ROBO2: variants seen among roughly 807,000 people sequenced by gnomAD.
The protein encoded by ROBO2 is roundabout homolog 2.
A neutral mutation model predicts 160.8 loss-of-function variants in ROBO2; 53 were observed. The ratio of observed to expected loss-of-function variants is 0.33; its 90% confidence interval spans 0.26 to 0.41. The LOEUF (loss-of-function observed/expected upper bound fraction) is 0.41. Ranked by LOEUF, ROBO2 falls within the 10% of genes least tolerant of loss-of-function variation. The probability of loss-of-function intolerance (pLI) is 1.00; values close to 1 mark genes in which losing one functional copy is unlikely to be tolerated. For synonymous variants in ROBO2, 664 were observed against 611.7 expected (o/e 1.09, Z -1.26); for missense variants, 1,577 against 1,722.4 (o/e 0.92, Z 1.49).
At chr3:76,216,673 A>T (rs1182396345) in intron 2 of ROBO2, among the ~76,000 whole-genome samples, 3 of 152,154 alleles carry the variant, frequency 2.0e-5, no homozygotes, top group Non-Finnish European at 4.4e-5. Flanking sequence ...GTCCTTAGAG[A>T]CCTACAAAGA....
intron 2 of ROBO2, among the ~76,000 whole-genome samples, chr3:76,283,136 G>GTGTATATATATATATATATATATATA (rs1553695787): frequency 6.3e-5 from 4 of 63,540 alleles, no homozygotes; most frequent in Non-Finnish European, 6.8e-5. Context: ...ATATAAAACT[G>GTGTATATATATATATATATATATATA]TATATATATA....
chr3:77,031,344 C>CA (rs534759562), intron 2 of ROBO2, among the ~76,000 whole-genome samples: 154 of 150,384 alleles, frequency 1.0e-3, no homozygotes, highest in Admixed American at 3.5e-3. Context: ...GTTCTTGGGG[C>CA]AAAAAAACAC....
intron 2 of ROBO2, among the ~76,000 whole-genome samples, chr3:76,787,662 TG>T (rs529966140): frequency 4.1e-4 from 62 of 151,582 alleles, no homozygotes; most frequent in African/African-American, 1.4e-3. Context: ...TTCACTCTCT[TG>T]GAAGTGACAA....
At chr3:76,513,842 G>A (rs1323195034) in intron 2 of ROBO2, among the ~76,000 whole-genome samples, 5 of 152,150 alleles carry the variant, frequency 3.3e-5, no homozygotes, top group East Asian at 3.9e-4. Context: ...AAAGTGAAAC[G>A]ATGAGCAAAT....
At chr3:76,481,369 A>G (rs901087431) in intron 2 of ROBO2, among the ~76,000 whole-genome samples, 4 of 152,186 alleles carry the variant, frequency 2.6e-5, no homozygotes, top group African/African-American at 9.6e-5. Context: ...CCAGGGATAT[A>G]GAAGCCAGAG....
rs1443365787 is a variant in ROBO2 at position 77,227,807 on chromosome 3, T to A, written c.388+129467T>A. Among the ~76,000 whole-genome samples, 3 of 152,346 alleles carry A rather than the reference T, an allele frequency of 2.0e-5. No homozygotes were observed. In the South Asian group the frequency reaches 6.2e-4, roughly 32 times the overall value. ...CTGATTGTTCTTTCAACTGCCTTAC[T>A]CTGTCATTGACTGTCAAGTCAGTCA... On this transcript the variant is annotated intron_variant, in intron 2 of 25. Transcript: ENST00000461745.
rs776021144 is a variant in ROBO2 at position 76,567,807 on chromosome 3, A to T, written c.110-530207A>T. 6.8e-3 allele frequency among the ~76,000 whole-genome samples: 488 copies of T among 72,254 alleles called. 5 individuals are homozygous for T. Among genetic ancestry groups the T allele is most frequent in the Non-Finnish European group, 8.6e-3 (324 of 37,750 alleles). 47.4% of individuals were successfully genotyped at this position (72,254 alleles called of 152,430 possible). The stretch of plus-strand genomic sequence containing the variant: ...TGTGTGTGTGTGTGTGTATATATAT[A>T]TTTTTTTTTTTTTTTTGGGGGGGGT... On this transcript the variant is annotated intron_variant, in intron 2 of 26. Transcript: ENST00000487694.
At chr3:76,217,633 T>C (rs867224496) in intron 2 of ROBO2, among the ~76,000 whole-genome samples, 1 of 152,156 alleles carries the variant, frequency 6.6e-6, no homozygotes, top group Admixed American at 6.5e-5. Context: ...AATCTCTGAA[T>C]AGAACAATAA....
intron 2 of ROBO2, among the ~76,000 whole-genome samples, chr3:76,987,798 A>T (rs967457624): frequency 3.9e-5 from 6 of 152,158 alleles, no homozygotes; most frequent in African/African-American, 1.4e-4. Context: ...GAATAGTTTA[A>T]AGTTCTCCAA....
chr3:76,999,015 A>G (rs898356557), intron 2 of ROBO2, among the ~76,000 whole-genome samples: 6 of 152,130 alleles, frequency 3.9e-5, no homozygotes, highest in African/African-American at 1.2e-4. Context: ...ATGAAACTAC[A>G]TTAATGTTCA....
chr3:76,428,784 G>A (rs1034313376), intron 2 of ROBO2, among the ~76,000 whole-genome samples: 10 of 152,206 alleles, frequency 6.6e-5, no homozygotes, highest in East Asian at 1.9e-4. Context: ...GTTGAGCCAC[G>A]CGAAAGTGAT....
rs998493234 is a variant in ROBO2 at position 76,074,545 on chromosome 3, A to G, written c.109+136943A>G. Among the ~76,000 whole-genome samples the G allele has an allele frequency of 2.6e-5, 4 of 152,200 alleles. No homozygotes were observed. The East Asian group carries it at 5.8e-4, about 22-fold the overall frequency. On this transcript the variant is annotated intron_variant, in intron 2 of 26. Transcript: ENST00000487694. Reference sequence around the variant, plus strand: ...AAGAGATGGACAGAGGTGCCAAAACATATCTTCTTTCTTAATATCTCATCA... The same window carrying G: ...AAGAGATGGACAGAGGTGCCAAAACGTATCTTCTTTCTTAATATCTCATCA...
chr3:77,235,717 C>G (rs1172945162), intron 2 of ROBO2, among the ~76,000 whole-genome samples: 2 of 152,182 alleles, frequency 1.3e-5, no homozygotes, highest in Non-Finnish European at 2.9e-5. Flanking sequence ...AATTAAACCT[C>G]TTTCTGCCAG....
intron 2 of ROBO2, among the ~76,000 whole-genome samples, chr3:76,457,766 T>G (rs1406308014): frequency 6.6e-6 from 1 of 152,162 alleles, no homozygotes; most frequent in Non-Finnish European, 1.5e-5. Context: ...TTCCCAAGCC[T>G]CAATTGTTGA....
intron 2 of ROBO2, among the ~76,000 whole-genome samples, chr3:75,965,984 A>G (rs1172256082): frequency 2.6e-5 from 4 of 151,776 alleles, no homozygotes; most frequent in Non-Finnish European, 5.9e-5. Context: ...CTGTAAGATA[A>G]TGAAGAGTTG....
rs544528511 is a variant in ROBO2 at position 75,926,404 on chromosome 3, C to T, written c.-13-11077C>T. 3.9e-5 allele frequency among the ~76,000 whole-genome samples: 6 copies of T among 152,282 alleles called. No homozygotes were observed. The East Asian group carries it at 1.2e-3, about 29-fold the overall frequency. Reference sequence around the variant, plus strand: ...TGATCCTTATAGCAAATATTACCCCCACAAAGTTTTATGGTTGCTTTTTTC... The same window carrying T: ...TGATCCTTATAGCAAATATTACCCCTACAAAGTTTTATGGTTGCTTTTTTC... On this transcript the variant is annotated intron_variant, in intron 1 of 26. Transcript: ENST00000487694.
chr3:76,229,579 G>T (rs1006223176), intron 2 of ROBO2, among the ~76,000 whole-genome samples: 7 of 151,892 alleles, frequency 4.6e-5, no homozygotes, highest in Non-Finnish European at 1.0e-4. Flanking sequence ...GGAATCATAT[G>T]GTTACCATGA....
At chr3:76,645,862 C>T (rs771268368) in intron 2 of ROBO2, among the ~76,000 whole-genome samples, 2 of 152,022 alleles carry the variant, frequency 1.3e-5, no homozygotes, top group African/African-American at 2.4e-5. Context: ...TTTTTTATTC[C>T]TTCCTGCATT....
At chr3:77,038,104 G>A (rs1400501883), upstream of ROBO2, among the ~76,000 whole-genome samples, 1 of 152,146 alleles carries the variant, frequency 6.6e-6, no homozygotes. Flanking sequence ...ACTTTTGGAT[G>A]TTTCTAAACC....
Sources: allele counts gnomAD v4.1 joint callset (sites outside exome capture counted in the v4.1 genomes callset), GRCh38; gene constraint gnomAD v4.1.1; transcripts MANE v1.5; gene names NCBI Gene and HGNC (gene_info 2026-07-23, HGNC 2026-07-21).